Variants in ABCB7 observed in about 807,000 individuals in gnomAD.
The protein encoded by ABCB7 is ATP binding cassette subfamily B member 7.
In ABCB7, 7 loss-of-function variants were observed where a neutral mutation model predicts 54.4. The ratio of observed to expected loss-of-function variants is 0.13; its 90% CI spans 0.07 to 0.24. The LOEUF is 0.24. Ranked by LOEUF, ABCB7 falls within the 10% of genes least tolerant of loss-of-function variation. The pLI, the probability that ABCB7 is intolerant of heterozygous loss-of-function variation, is 1.00. For missense variants in ABCB7, 356 were observed against 570.4 expected (o/e 0.62, Z 3.83); for synonymous variants, 218 against 207.1 (o/e 1.05, Z -0.45).
chrX:75,122,861 G>GGGGTGTGT (rs1555954494), intron 1 of ABCB7, among the ~76,000 whole-genome samples: 1 of 93,131 alleles, frequency 1.1e-5, no homozygotes, highest in African/African-American at 3.9e-5. Flanking sequence ...TTAAAATTGG[G>GGGGTGTGT]GTGTGTGTGT....
intron 4 of ABCB7, among the ~76,000 whole-genome samples, chrX:75,085,654 G>A (rs1228196702): frequency 9.1e-6 from 1 of 110,476 alleles, no homozygotes; most frequent in Non-Finnish European, 1.9e-5. Flanking sequence ...CCTGGGGGCA[G>A]GAAATGTCTA....
intron 1 of ABCB7, among the ~76,000 whole-genome samples, chrX:75,132,895 C>T (rs2081985202): frequency 1.8e-5 from 2 of 111,760 alleles, no homozygotes; most frequent in South Asian, 7.6e-4. Flanking sequence ...AGAACCAGCA[C>T]AACAACTCTG....
At chrX:75,092,919 C>G (rs1222572333) in intron 4 of ABCB7, among the ~76,000 whole-genome samples, 1 of 111,795 alleles carries the variant, frequency 8.9e-6, no homozygotes, top group African/African-American at 3.2e-5. Flanking sequence ...ACACCAAATG[C>G]TAGTGAGGAT....
intron 4 of ABCB7, among the ~76,000 whole-genome samples, chrX:75,083,560 T>C (rs763634036): frequency 4.5e-5 from 5 of 111,254 alleles, no homozygotes; most frequent in Non-Finnish European, 7.5e-5. Flanking sequence ...GCTTCTTTGA[T>C]AGAAGAGCTT....
In ABCB7 at chrX:75,069,468, G is replaced by GA. The variant is rs746001426; in HGVS notation, c.1366-15dup. On this transcript the variant is annotated splice_polypyrimidine_tract_variant and intron_variant, in intron 10 of 15. Transcript: ENST00000373394. The stretch of plus-strand genomic sequence containing the variant: ...CATCACTTTGTCCTAGCAGGGAAGA[G>GA]AAAAAAAAAGCCACTTTACGCACTG... 307 of 1,144,861 alleles carry GA rather than the reference G, an allele frequency of 2.7e-4. No individual in the cohort carries two copies. The highest frequency in any genetic ancestry group is 3.2e-4 in the African/African-American group (17 of 53,717). The allele number at this position is 1,144,861 out of a possible 1,213,427, so 94.3% of individuals were successfully genotyped here.
intron 1 of ABCB7, among the ~76,000 whole-genome samples, chrX:75,146,907 T>C (rs1328220103): frequency 3.8e-5 from 3 of 78,475 alleles, no homozygotes. Context: ...AGAAAATTTT[T>C]GCAAATTATG....
intron 1 of ABCB7, among the ~76,000 whole-genome samples, chrX:75,116,528 G>T (rs770229232): frequency 2.8e-4 from 31 of 111,601 alleles, no homozygotes; most frequent in Admixed American, 7.6e-4. Flanking sequence ...AAGTGGAGCT[G>T]AAAGAAGGCA....
rs199556886 is a variant in ABCB7, at chrX:75,073,907, C to G, written c.905G>C (p.Gly302Ala). ...QFALVTLGTL[G>A]TYTAFTVAVT... ...TGCAACTGTGAATGCTGTGTATGTA[C>G]CAAGTGTTCCAAGGGTTACCAAAGC... The change falls in exon 7 of 16, where the codon GGT becomes GCT. Residue 302 changes from glycine (G) to alanine (A), a missense_variant. Physicochemically the swap from Gly to Ala is moderately conservative, Grantham distance 60. This residue lies in a region of ABCB7 where 241 missense variants were observed against 470.9 expected (regional missense o/e 0.51). Coordinates refer to ENST00000373394, the MANE Select transcript of ABCB7 (RefSeq NM_001271696.3). 1.7e-5 allele frequency: 21 copies of G among 1,208,991 alleles called. No individual in the cohort carries two copies. The East Asian group carries it at 5.9e-4, about 34-fold the overall frequency.
intron 5 of ABCB7, 72 bp from the exon 6 acceptor site, chrX:75,075,702 G>A: frequency 9.8e-7 from 1 of 1,018,893 alleles, no homozygotes. Context: ...AATGACAAGG[G>A]CTCAGAAAAT....
chrX:75,146,235 T>G (rs758280193), intron 1 of ABCB7, among the ~76,000 whole-genome samples: 1 of 112,298 alleles, frequency 8.9e-6, no homozygotes, highest in Non-Finnish European at 1.9e-5. Flanking sequence ...ATGGTCATAC[T>G]GCCCAAAGCA....
intron 1 of ABCB7, among the ~76,000 whole-genome samples, chrX:75,128,785 G>A (rs1411930626): frequency 8.9e-6 from 1 of 111,866 alleles, no homozygotes; most frequent in African/African-American, 3.2e-5. Flanking sequence ...AGTGAGCGAA[G>A]GATATGAAAA....
chrX:75,054,317 T>C (rs1167737478), intron 15 of ABCB7, among the ~76,000 whole-genome samples: 1 of 112,045 alleles, frequency 8.9e-6, no homozygotes, highest in African/African-American at 3.2e-5. Flanking sequence ...GTTATACCAC[T>C]ATTCCTTGAT....
In ABCB7 at chrX:75,094,025, T is replaced by C. The variant is rs1036300111; in HGVS notation, c.453+4917A>G. Reference sequence around the variant, plus strand: ...TGGATGTTTCTGTTATATACATATATATATATATATATATATATATATATA... The same window carrying C: ...TGGATGTTTCTGTTATATACATATACATATATATATATATATATATATATA... On this transcript the variant is annotated intron_variant, in intron 4 of 15. Coordinates refer to ENST00000373394, the MANE Select transcript of ABCB7 (RefSeq NM_001271696.3). Among the ~76,000 whole-genome samples the C allele has an allele frequency of 9.0e-4, 22 of 24,544 alleles. 1 individual carries two copies. The highest frequency in any genetic ancestry group is 1.2e-3 in the African/African-American group (20 of 16,217). 21.3% of individuals were successfully genotyped at this position (24,544 alleles called of 115,157 possible).
At chrX:75,060,416 C>G in intron 14 of ABCB7, 86 bp from the exon 15 acceptor site, 1 of 761,361 alleles carries the variant, frequency 1.3e-6, no homozygotes, top group Non-Finnish European at 2.0e-6. Flanking sequence ...CATACATTTC[C>G]TAAAGGAACA....
intron 3 of ABCB7, among the ~76,000 whole-genome samples, chrX:75,100,359 T>C (rs1343718514): frequency 9.0e-6 from 1 of 111,133 alleles, no homozygotes; most frequent in Non-Finnish European, 1.9e-5. Context: ...ACATGGCTTA[T>C]AAGGCTCTGC....
intron 5 of ABCB7, 114 bp downstream of exon 5, chrX:75,076,408 C>G (rs760318766): frequency 1.8e-5 from 18 of 973,130 alleles, no homozygotes; most frequent in Non-Finnish European, 2.6e-5. Flanking sequence ...CATAAAACAA[C>G]AAACATCCAA....
intron 4 of ABCB7, among the ~76,000 whole-genome samples, chrX:75,095,197 C>T (rs765438978): frequency 4.8e-4 from 53 of 111,329 alleles, no homozygotes; most frequent in Non-Finnish European, 6.8e-4. Flanking sequence ...TGTTTCGTGC[C>T]TAGTTATGAT....
chrX:75,094,019 C>CATATATATATAT (rs199523853), intron 4 of ABCB7, among the ~76,000 whole-genome samples: 33 of 45,943 alleles, frequency 7.2e-4, no homozygotes, highest in Admixed American at 2.2e-3. Context: ...CTGTTATATA[C>CATATATATATAT]ATATATATAT....
chrX:75,097,862 A>G (rs757061213), intron 4 of ABCB7, among the ~76,000 whole-genome samples: 5 of 111,942 alleles, frequency 4.5e-5, no homozygotes, highest in Non-Finnish European at 7.5e-5. Flanking sequence ...TCTTTATAGC[A>G]ACCCTATTTT....
Sources: allele counts gnomAD v4.1 joint callset (sites outside exome capture counted in the v4.1 genomes callset), GRCh38; gene constraint gnomAD v4.1.1; regional missense constraint gnomAD v4.1.1; transcripts MANE v1.5; gene names NCBI Gene and HGNC (gene_info 2026-07-23, HGNC 2026-07-21).